SAMSN1: variants seen among roughly 807,000 people sequenced by gnomAD.
The protein encoded by SAMSN1 is SAM domain-containing protein SAMSN-1.
A neutral mutation model predicts 42.0 loss-of-function variants in SAMSN1; 31 were observed. That is an observed-to-expected ratio of 0.74 (90% CI 0.55 to 1.00). The LOEUF is 1.00. Ranked by LOEUF, SAMSN1 falls within the 50% of genes least tolerant of loss-of-function variation. The pLI is 0.00. For missense variants in SAMSN1, 464 were observed against 439.4 expected, an observed-to-expected ratio of 1.06 and a Z score of -0.50; for synonymous variants, 178 against 151.9, an observed-to-expected ratio of 1.17 and a Z score of -1.26.
intron 3 of SAMSN1, among the ~76,000 whole-genome samples, chr21:14,516,112 T>C (rs1987904183): frequency 6.6e-6 from 1 of 152,210 alleles, no homozygotes; most frequent in Admixed American, 6.5e-5. Context: ...AGTTTCTCTA[T>C]TAGACATGGA....
chr21:14,577,645 C>T (rs1211359075), intron 2 of SAMSN1, among the ~76,000 whole-genome samples: 4 of 151,958 alleles, frequency 2.6e-5, no homozygotes, highest in Non-Finnish European at 4.4e-5. Flanking sequence ...TTCGTAAGTA[C>T]TCTTCAGTTA....
At chr21:14,582,833 TA>T (rs1191911658) in intron 1 of SAMSN1, among the ~76,000 whole-genome samples, 4 of 148,802 alleles carry the variant, frequency 2.7e-5, no homozygotes, top group African/African-American at 1.0e-4. Flanking sequence ...TTTCTATTCT[TA>T]AATATTTTTT....
upstream of SAMSN1, among the ~76,000 whole-genome samples, chr21:14,549,833 T>C (rs1247835314): frequency 2.0e-5 from 3 of 152,092 alleles, no homozygotes; most frequent in Admixed American, 6.6e-5. Context: ...CTTCTTTCTA[T>C]AGTACAGGGA....
intron 2 of SAMSN1, among the ~76,000 whole-genome samples, chr21:14,577,272 A>G (rs1228870568): frequency 2.0e-5 from 1 of 49,602 alleles, no homozygotes; most frequent in Non-Finnish European, 3.6e-5. Context: ...ATATATATAT[A>G]TATATATATA....
chr21:14,501,592 T>G (rs551930313), intron 5 of SAMSN1, among the ~76,000 whole-genome samples: 7 of 152,340 alleles, frequency 4.6e-5, no homozygotes, highest in African/African-American at 1.4e-4. Flanking sequence ...GAGAAGTCTG[T>G]TACTCTATAT....
At chr21:14,498,701 A>C in intron 6 of SAMSN1, 109 bp from the exon 7 acceptor site, 2 of 785,396 alleles carry the variant, frequency 2.5e-6, no homozygotes, top group Non-Finnish European at 3.8e-6. Flanking sequence ...CAAAGGTGCC[A>C]ATAGAACTTT....
intron 2 of SAMSN1, among the ~76,000 whole-genome samples, chr21:14,637,039 T>C (rs975869397): frequency 1.3e-5 from 2 of 152,232 alleles, no homozygotes; most frequent in East Asian, 1.9e-4. Flanking sequence ...GTTACTTTTA[T>C]GCCTCTGCGC....
Position 14,486,049 on chromosome 21 carries a change from A to T in SAMSN1, c.985T>A (p.Ser329Thr), listed in dbSNP as rs752276847. 1.2e-6 allele frequency: 2 copies of T among 1,613,712 alleles called. No homozygotes were observed. Among genetic ancestry groups the T allele is most frequent in the Non-Finnish European group, 1.7e-6 (2 of 1,179,728 alleles). The change falls in exon 8 of 8, where the codon TCA becomes ACA. Residue 329 changes from serine to threonine, a missense_variant. Transcript: ENST00000400566. ...SLSSDISLNK[S>T]QLDDCPRDSG... ...TCCCTTGGGCAGTCATCTAACTGTG[A>T]CTTATTTAAGGAGATGTCTGAGCTC...
At chr21:14,574,624 C>A (rs1273101485) in intron 2 of SAMSN1, among the ~76,000 whole-genome samples, 2 of 152,162 alleles carry the variant, frequency 1.3e-5, no homozygotes, top group African/African-American at 4.8e-5. Context: ...TGCTACATTG[C>A]TGTGTCTCAA....
At chr21:14,496,375 G>T (rs963071551) in intron 7 of SAMSN1, 7 of 152,128 alleles carry the variant, frequency 4.6e-5, no homozygotes, top group African/African-American at 1.7e-4. Context: ...TGCCTCATCT[G>T]CAAATTGGGC....
Position 14,512,472 on chromosome 21 carries a change from A to C in SAMSN1, c.381T>G (p.Asp127Glu), listed in dbSNP as rs1297895833. The C allele has an allele frequency of 6.2e-7, 1 of 1,613,936 alleles. No homozygotes were observed. The highest frequency in any genetic ancestry group is 8.5e-7 in the Non-Finnish European group (1 of 1,179,844). The change falls in exon 4 of 8, where the codon GAT becomes GAG. Residue 127 changes from aspartate (D) to glutamate (E), a missense_variant. Asp to Glu is a conservative substitution (Grantham distance 45). Transcript: ENST00000400566. ...ATGAGCTCTGTCCACTGTAGAGACT[A>C]TCCATGGAGTCACTGGCTTTGAGGG... ...KVSLKASDSM[D>E]SLYSGQSSSS...
intron 1 of SAMSN1, among the ~76,000 whole-genome samples, chr21:14,529,594 A>C (rs556478814): frequency 1.3e-5 from 2 of 152,328 alleles, no homozygotes; most frequent in Admixed American, 1.3e-4. Context: ...GGTATGAATA[A>C]ATAAGAATCA....
intron 2 of SAMSN1, among the ~76,000 whole-genome samples, chr21:14,557,931 C>T (rs1330355590): frequency 1.3e-5 from 2 of 152,176 alleles, no homozygotes; most frequent in African/African-American, 4.8e-5. Flanking sequence ...TTCCTTCAGG[C>T]CACCTGTCCG....
chr21:14,623,276 C>A (rs999472317), intron 2 of SAMSN1, among the ~76,000 whole-genome samples: 2 of 152,116 alleles, frequency 1.3e-5, no homozygotes, highest in East Asian at 3.9e-4. Flanking sequence ...ACAATATTAA[C>A]CTTAAATGTA....
chr21:14,577,238 GTATATATATATATATA>G lies in SAMSN1; in HGVS notation c.261+4882_261+4897del, dbSNP rs767931839. Among the ~76,000 whole-genome samples, 121 of 28,180 alleles carry G rather than the reference GTATATATATATATATA, an allele frequency of 4.3e-3. 5 individuals carry two copies. In the South Asian group the frequency reaches 0.046, roughly 11 times the overall value. The allele number at this position is 28,180 out of a possible 152,430, so 18.5% of individuals were successfully genotyped here. On this transcript the variant is annotated intron_variant, in intron 2 of 8. Transcript: ENST00000285670. ...GGTGGGCTAATTTATATATATGTGT[GTATATATATATATATA>G]TATATATATATATATATATATATAT... is the stretch of plus-strand genomic sequence containing the variant.
chr21:14,491,973 G>A (rs559618357), intron 7 of SAMSN1, among the ~76,000 whole-genome samples: 1 of 149,666 alleles, frequency 6.7e-6, no homozygotes, highest in Non-Finnish European at 1.5e-5. Flanking sequence ...TTTAATATCA[G>A]TAAACAGCAC....
intron 1 of SAMSN1, 111 bp downstream of exon 1, chr21:14,546,094 G>T: frequency 2.1e-6 from 2 of 948,320 alleles, no homozygotes; most frequent in Non-Finnish European, 1.6e-6. Context: ...TAAACCCTAT[G>T]TTTGACTTAT....
intron 1 of SAMSN1, among the ~76,000 whole-genome samples, chr21:14,651,002 C>A (rs987538227): frequency 6.6e-6 from 1 of 151,730 alleles, no homozygotes; most frequent in East Asian, 1.9e-4. Context: ...CTGAAAAGAC[C>A]AATAACAAGT....
At chr21:14,596,476 C>A (rs1296592998) in intron 6 of SAMSN1, among the ~76,000 whole-genome samples, 1 of 152,126 alleles carries the variant, frequency 6.6e-6, no homozygotes, top group Non-Finnish European at 1.5e-5. Flanking sequence ...AAGGTGGAAC[C>A]TAAGACTGCC....
Sources: gnomAD v4.1 joint callset for allele counts (sites outside exome capture counted in the v4.1 genomes callset) on GRCh38, gnomAD v4.1.1 for gene constraint, MANE v1.5 for transcripts, NCBI Gene and HGNC (gene_info 2026-07-23, HGNC 2026-07-21) for gene names.